Variants in COP1 observed in about 807,000 individuals in gnomAD.
COP1 encodes E3 ubiquitin-protein ligase COP1.
A neutral mutation model predicts 101.3 loss-of-function variants in COP1; 24 were observed. The ratio of observed to expected loss-of-function variants is 0.24; its 90% confidence interval spans 0.17 to 0.33. The LOEUF is 0.33. COP1 is among the 10% of genes least tolerant of loss of function. The pLI is 1.00. For synonymous variants in COP1, 347 were observed against 341.9 expected (o/e 1.01, Z -0.17); for missense variants, 663 against 906.2 (o/e 0.73, Z 3.45).
intron 18 of COP1, among the ~76,000 whole-genome samples, chr1:175,970,683 T>C (rs1558180025): frequency 6.6e-6 from 1 of 152,174 alleles, no homozygotes; most frequent in Non-Finnish European, 1.5e-5. Flanking sequence ...TTAAGGATCA[T>C]ATTTAATAGT....
chr1:176,160,255 CTTTTTTTTTTTTTTTT>C (rs67600151), intron 5 of COP1: 2 of 238,868 alleles, frequency 8.4e-6, no homozygotes, highest in Non-Finnish European at 1.5e-5. Flanking sequence ...CCACACACAT[CTTTTTTTTTTTTTTTT>C]TTTTTTTTTT....
At chr1:176,119,722 T>C (rs1175979187) in intron 8 of COP1, among the ~76,000 whole-genome samples, 4 of 152,242 alleles carry the variant, frequency 2.6e-5, no homozygotes, top group Admixed American at 2.6e-4. Flanking sequence ...ACTCTGGTGC[T>C]ATACTACTAC....
chr1:176,052,030 G>GTAA (rs1380566737), intron 11 of COP1, among the ~76,000 whole-genome samples: 3 of 152,058 alleles, frequency 2.0e-5, no homozygotes, highest in Non-Finnish European at 4.4e-5. Flanking sequence ...TGTTTATAAA[G>GTAA]TCTACAGTAA....
At chr1:175,988,439 C>T in intron 16 of COP1, 27 bp from the exon 17 acceptor site, 1 of 1,551,058 alleles carries the variant, frequency 6.4e-7, no homozygotes, top group Non-Finnish European at 8.7e-7. Context: ...AGAGTAAGAA[C>T]TTACTTAAAA....
chr1:176,074,643 G>A (rs1490406015), intron 11 of COP1, among the ~76,000 whole-genome samples: 1 of 151,928 alleles, frequency 6.6e-6, no homozygotes, highest in Non-Finnish European at 1.5e-5. Context: ...TTCTGCCTCA[G>A]AATGCACAAT....
chr1:175,948,284 AG>A (rs1299444286), intron 18 of COP1, among the ~76,000 whole-genome samples: 1 of 152,222 alleles, frequency 6.6e-6, no homozygotes. Context: ...GGGCATCTAA[AG>A]GGCTCTGGAA....
intron 9 of COP1, among the ~76,000 whole-genome samples, chr1:176,105,552 T>C (rs1410768149): frequency 6.6e-6 from 1 of 152,190 alleles, no homozygotes; most frequent in African/African-American, 2.4e-5. Flanking sequence ...TCGTGACAGC[T>C]AGGTTTCCAT....
intron 18 of COP1, among the ~76,000 whole-genome samples, chr1:175,978,257 AAT>A (rs1222136629): frequency 1.3e-5 from 2 of 152,186 alleles, no homozygotes; most frequent in Non-Finnish European, 2.9e-5. Flanking sequence ...AAAAGTTAAG[AAT>A]CATTCTAATG....
chr1:176,195,828 A>G (rs1038483130), intron 1 of COP1, among the ~76,000 whole-genome samples: 4 of 152,208 alleles, frequency 2.6e-5, no homozygotes, highest in African/African-American at 9.6e-5. Context: ...AGTGGGAGCT[A>G]CACACTGGGT....
rs901058805 is a variant in COP1 at position 176,057,943 on chromosome 1, C to T, written c.1278-11619G>A. ...TGAGATGTGGGGAGCACCTCTGCCCCGCCGCCCCTTCTGGGATATGAGGAG... is the reference window on the plus strand; with the variant it reads ...TGAGATGTGGGGAGCACCTCTGCCCTGCCGCCCCTTCTGGGATATGAGGAG... On this transcript the variant is annotated intron_variant, in intron 11 of 19. Coordinates refer to ENST00000367669, the MANE Select transcript of COP1 (RefSeq NM_022457.7). Among the ~76,000 whole-genome samples the T allele has an allele frequency of 5.3e-5, 8 of 151,442 alleles. No individual in the cohort carries two copies. The South Asian group carries it at 8.4e-4, about 16-fold the overall frequency.
At chr1:176,071,173 A>G (rs549888721) in intron 11 of COP1, among the ~76,000 whole-genome samples, 3 of 152,146 alleles carry the variant, frequency 2.0e-5, no homozygotes, top group Non-Finnish European at 2.9e-5. Flanking sequence ...TCTTCATGAT[A>G]GTGAATTCTC....
At chr1:176,016,047 T>C (rs1004689321) in intron 15 of COP1, among the ~76,000 whole-genome samples, 3 of 152,108 alleles carry the variant, frequency 2.0e-5, no homozygotes, top group Non-Finnish European at 4.4e-5. Context: ...GAAGATAAAG[T>C]AATGGGTTTG....
chr1:175,970,499 C>T (rs78439371), intron 18 of COP1, among the ~76,000 whole-genome samples: 5 of 152,066 alleles, frequency 3.3e-5, no homozygotes, highest in East Asian at 3.9e-4. Flanking sequence ...AGTTTAGATA[C>T]GATAGTCTAA....
chr1:175,948,370 A>G (rs985629230), intron 18 of COP1, among the ~76,000 whole-genome samples: 1 of 152,226 alleles, frequency 6.6e-6, no homozygotes, highest in African/African-American at 2.4e-5. Flanking sequence ...AATGTCATAG[A>G]GGTCAGGCCA....
intron 18 of COP1, among the ~76,000 whole-genome samples, chr1:175,966,461 A>G (rs1652051233): frequency 6.6e-6 from 1 of 152,230 alleles, no homozygotes; most frequent in Non-Finnish European, 1.5e-5. Flanking sequence ...ATTTACAAAG[A>G]GTAAACATAG....
At chr1:175,989,232 A>T (rs78482766) in intron 16 of COP1, 130 bp downstream of exon 16, 1 of 506,102 alleles carries the variant, frequency 2.0e-6, no homozygotes, top group Non-Finnish European at 3.6e-6. Context: ...TAAAAAAAAA[A>T]TCTACTATTT....
intron 13 of COP1, 132 bp downstream of exon 13, chr1:176,043,578 T>C (rs1671010726): frequency 7.5e-6 from 5 of 665,602 alleles, no homozygotes; most frequent in East Asian, 2.5e-5. Context: ...TGGTATTGCA[T>C]AGGTGTTACA....
chr1:176,014,995 T>C (rs1665373103), intron 15 of COP1, among the ~76,000 whole-genome samples: 1 of 152,120 alleles, frequency 6.6e-6, no homozygotes, highest in South Asian at 2.1e-4. Flanking sequence ...GTGATAACAA[T>C]GAGACAGAGA....
chr1:176,086,517 C>T (rs79225739), intron 9 of COP1, among the ~76,000 whole-genome samples: 1 of 152,032 alleles, frequency 6.6e-6, no homozygotes, highest in African/African-American at 2.4e-5. Context: ...TGAGCCACTG[C>T]GCCTGGCCTG....
Sources: allele counts gnomAD v4.1 joint callset (sites outside exome capture counted in the v4.1 genomes callset), GRCh38; gene constraint gnomAD v4.1.1; transcripts MANE v1.5; gene names NCBI Gene and HGNC (gene_info 2026-07-23, HGNC 2026-07-21).